Variants in PACRG observed in about 807,000 individuals in gnomAD.
PACRG encodes the protein parkin coregulated gene protein.
Under a neutral mutation model 29.7 loss-of-function variants are expected in PACRG, and 29 were observed. The observed-to-expected ratio is 0.98, with a 90% CI of 0.73 to 1.33. PACRG has a LOEUF of 1.33. Ranked by LOEUF, PACRG falls within the 40% of genes most tolerant of loss-of-function variation. The pLI, the probability that PACRG is intolerant of heterozygous loss-of-function variation, is 0.00. For synonymous variants in PACRG, 116 were observed against 118.7 expected, an observed-to-expected ratio of 0.98 and a Z score of 0.15; for missense variants, 279 against 316.2, an observed-to-expected ratio of 0.88 and a Z score of 0.89.
intron 2 of PACRG, among the ~76,000 whole-genome samples, chr6:162,934,689 G>C (rs1798108895): frequency 6.6e-6 from 1 of 151,916 alleles, no homozygotes; most frequent in East Asian, 1.9e-4. Flanking sequence ...TATCTTTTCA[G>C]TCTTGTGGTT....
chr6:162,836,624 C>G (rs967465392), intron 2 of PACRG, among the ~76,000 whole-genome samples: 3 of 152,114 alleles, frequency 2.0e-5, no homozygotes, highest in Non-Finnish European at 4.4e-5. Flanking sequence ...TCTTTTGCTT[C>G]TCTCTGCTTC....
At chr6:163,232,896 C>A (rs1323560831) in intron 4 of PACRG, among the ~76,000 whole-genome samples, 1 of 152,166 alleles carries the variant, frequency 6.6e-6, no homozygotes, top group African/African-American at 2.4e-5. Context: ...GAGCCTCCAC[C>A]CCCGAAACCA....
At chr6:163,191,271 C>T (rs1342464511) in intron 4 of PACRG, among the ~76,000 whole-genome samples, 3 of 152,126 alleles carry the variant, frequency 2.0e-5, no homozygotes, top group Non-Finnish European at 4.4e-5. Flanking sequence ...TTCCCGCCAC[C>T]CCCCAAACCT....
chr6:163,072,839 C>T (rs1476878560), intron 3 of PACRG, among the ~76,000 whole-genome samples: 1 of 152,018 alleles, frequency 6.6e-6, no homozygotes, highest in African/African-American at 2.4e-5. Context: ...AGAAATTTTA[C>T]AATGTAGTCC....
chr6:162,868,328 T>G (rs1055045529), intron 2 of PACRG, among the ~76,000 whole-genome samples: 4 of 152,202 alleles, frequency 2.6e-5, no homozygotes, highest in Non-Finnish European at 5.9e-5. Flanking sequence ...TTTTTTGACC[T>G]CAGTTTTGTC....
chr6:162,887,178 C>A (rs1384364165), intron 2 of PACRG, among the ~76,000 whole-genome samples: 1 of 152,200 alleles, frequency 6.6e-6, no homozygotes, highest in African/African-American at 2.4e-5. Flanking sequence ...GTCTTGAACT[C>A]CCTACCTCAG....
Position 163,095,394 on chromosome 6 carries a change from G to A in PACRG, c.613+5986G>A. On this transcript the variant is annotated intron_variant, in intron 4 of 4. Transcript: ENST00000366888. ...ATTCTGAGTTGTCTGTAACCTGGTA[G>A]GGCGATGTCTAAAGAAATCAGAATC... 3.0e-6 allele frequency: 3 copies of A among 985,446 alleles called. No individual in the cohort carries two copies. The South Asian group carries it at 1.4e-4, about 46-fold the overall frequency. The allele number at this position is 985,446 out of a possible 1,614,324, so 61.0% of individuals were successfully genotyped here.
In PACRG at chr6:162,865,866, A is replaced by C. The variant is rs115732117; in HGVS notation, c.291+51585A>C. Reference sequence around the variant, plus strand: ...AACAAAATAGCAAAGATTTGTTTTAAAAATCAGCCTCCAAGGTTAGTGCTA... The same window carrying C: ...AACAAAATAGCAAAGATTTGTTTTACAAATCAGCCTCCAAGGTTAGTGCTA... On this transcript the variant is annotated intron_variant, in intron 2 of 4. Coordinates refer to ENST00000366888, the MANE Select transcript of PACRG (RefSeq NM_001080379.2). Among the ~76,000 whole-genome samples, 1,000 of 152,260 alleles carry C rather than the reference A, an allele frequency of 6.6e-3. 14 individuals carry two copies. Among genetic ancestry groups the C allele is most frequent in the African/African-American group, 0.022 (923 of 41,574 alleles).
At chr6:162,868,539 G>A (rs1430327282) in intron 2 of PACRG, among the ~76,000 whole-genome samples, 1 of 152,136 alleles carries the variant, frequency 6.6e-6, no homozygotes, top group African/African-American at 2.4e-5. Context: ...CAGAGGATAG[G>A]GACTCTGTCT....
chr6:163,306,696 AACTTG>A lies in PACRG; in HGVS notation c.614-8123_614-8119del, dbSNP rs1379273059. 2.3e-4 allele frequency among the ~76,000 whole-genome samples: 35 copies of A among 152,330 alleles called. 1 individual carries two copies. The highest frequency in any genetic ancestry group is 7.5e-4 in the African/African-American group (31 of 41,574). On this transcript the variant is annotated intron_variant, in intron 4 of 4. Coordinates refer to ENST00000366888, the MANE Select transcript of PACRG (RefSeq NM_001080379.2). Reference sequence around the variant, plus strand: ...ATTTGGTCTTTTCAGGTTTTCTTAGAACTTGACTTGACACCTGATTTTGATGCTTA... The same window carrying A: ...ATTTGGTCTTTTCAGGTTTTCTTAGAACTTGACACCTGATTTTGATGCTTA...
At chr6:162,792,631 G>A (rs1182286658) in intron 1 of PACRG, among the ~76,000 whole-genome samples, 1 of 152,180 alleles carries the variant, frequency 6.6e-6, no homozygotes, top group Admixed American at 6.5e-5. Context: ...TAGTCCCAGT[G>A]TTATAAAATG....
At chr6:163,068,804 A>G (rs80132144) in intron 3 of PACRG, among the ~76,000 whole-genome samples, 11,580 of 147,000 alleles carry the variant, frequency 0.079, 634 homozygotes, top group Middle Eastern at 0.13. Flanking sequence ...TTTTTATACT[A>G]TTTGGTTCTT....
chr6:162,880,178 G>A (rs912565370), intron 2 of PACRG, among the ~76,000 whole-genome samples: 1 of 152,204 alleles, frequency 6.6e-6, no homozygotes, highest in Admixed American at 6.5e-5. Context: ...TTGCAGCTCG[G>A]TTTGTTGTCC....
intron 3 of PACRG, among the ~76,000 whole-genome samples, chr6:163,064,078 A>T (rs1020285855): frequency 2.6e-5 from 4 of 151,712 alleles, no homozygotes; most frequent in Non-Finnish European, 4.4e-5. Context: ...ATATTCGGAC[A>T]TATATCCTTT....
At chr6:163,260,970 A>ACGCGT (rs1783302536) in intron 4 of PACRG, among the ~76,000 whole-genome samples, 9 of 142,538 alleles carry the variant, frequency 6.3e-5, no homozygotes, top group Admixed American at 6.1e-4. Flanking sequence ...TATCTAAATA[A>ACGCGT]TGCATTGTCA....
chr6:162,738,960 A>C (rs566312617), intron 1 of PACRG, among the ~76,000 whole-genome samples: 3 of 152,304 alleles, frequency 2.0e-5, no homozygotes, highest in Non-Finnish European at 4.4e-5. Flanking sequence ...AGGTTTCTAC[A>C]TTGCAGTATC....
intron 2 of PACRG, among the ~76,000 whole-genome samples, chr6:162,920,968 C>G (rs1206921162): frequency 2.6e-5 from 4 of 151,914 alleles, no homozygotes; most frequent in African/African-American, 9.7e-5. Flanking sequence ...AGTTAATTTC[C>G]AAAATAATGT....
intron 4 of PACRG, chr6:163,182,989 AG>A (rs1779744273): frequency 6.6e-6 from 1 of 152,242 alleles, no homozygotes; most frequent in South Asian, 2.1e-4. Flanking sequence ...AAGAATGGAT[AG>A]GATTTAAATA....
chr6:163,272,735 G>C (rs560281175), intron 4 of PACRG, among the ~76,000 whole-genome samples: 36 of 152,016 alleles, frequency 2.4e-4, no homozygotes, highest in African/African-American at 8.2e-4. Context: ...TATCAATGGT[G>C]GTTGTTAAAT....
Sources: allele counts gnomAD v4.1 joint callset (sites outside exome capture counted in the v4.1 genomes callset), GRCh38; gene constraint gnomAD v4.1.1; transcripts MANE v1.5; gene names NCBI Gene and HGNC (gene_info 2026-07-23, HGNC 2026-07-21).